The following SLC16A2 variants were observed in gnomAD, a reference collection of about 807,000 sequenced individuals.
SLC16A2 encodes the protein solute carrier family 16 member 2.
Under a neutral mutation model 27.2 loss-of-function variants are expected in SLC16A2, and 3 were observed. The observed-to-expected ratio is 0.11, with a 90% CI of 0.05 to 0.28. The LOEUF (loss-of-function observed/expected upper bound fraction) is 0.28. Ranked by LOEUF, SLC16A2 falls within the 10% of genes least tolerant of loss-of-function variation. The pLI is 1.00. For missense variants in SLC16A2, 295 were observed against 458.5 expected, an observed-to-expected ratio of 0.64 and a Z score of 3.26; for synonymous variants, 202 against 187.8, an observed-to-expected ratio of 1.08 and a Z score of -0.62.
intron 1 of SLC16A2, among the ~76,000 whole-genome samples, chrX:74,487,893 T>A (rs187440055): frequency 8.9e-6 from 1 of 112,125 alleles, no homozygotes; most frequent in Non-Finnish European, 1.9e-5. Context: ...CACAATTTTT[T>A]AAGAAAAATC....
chrX:74,488,374 C>T (rs1019458503), intron 1 of SLC16A2, among the ~76,000 whole-genome samples: 8 of 111,297 alleles, frequency 7.2e-5, no homozygotes, highest in Admixed American at 5.8e-4. Flanking sequence ...TATCCAAGGC[C>T]TTTTTAAAAG....
chrX:74,452,141 G>A (rs1165275119), intron 1 of SLC16A2, among the ~76,000 whole-genome samples: 2 of 112,512 alleles, frequency 1.8e-5, no homozygotes, highest in African/African-American at 6.5e-5. Context: ...GACTGGACAT[G>A]CATGGAGGCT....
In SLC16A2 at chrX:74,531,363, A is replaced by G. The variant is rs754443385; in HGVS notation, c.1430A>G (p.His477Arg). 2.1e-5 allele frequency: 26 copies of G among 1,211,831 alleles called. No individual in the cohort carries two copies. In the South Asian group the frequency reaches 4.6e-4, roughly 21 times the overall value. ...CTCCGCAACTGTTTTGGGGACTACC[A>G]TGTGGCCTTCTACTTTGCCGGTGTG... ...GLLRNCFGDY[H>R]VAFYFAGVPP... is the part of the protein sequence containing the mutation. The change falls in exon 6 of 6, where the codon CAT (histidine) becomes CGT (arginine). Residue 477 changes from histidine (H) to arginine (R), a missense_variant. Coordinates refer to ENST00000587091, the MANE Select transcript of SLC16A2 (RefSeq NM_006517.5).
intron 1 of SLC16A2, among the ~76,000 whole-genome samples, chrX:74,488,888 A>G (rs1929772484): frequency 1.8e-5 from 2 of 111,884 alleles, no homozygotes; most frequent in Non-Finnish European, 3.8e-5. Context: ...CCTTAAATAA[A>G]CTTAGAATTA....
At chrX:74,451,873 T>C (rs573420048) in intron 1 of SLC16A2, among the ~76,000 whole-genome samples, 1 of 112,503 alleles carries the variant, frequency 8.9e-6, no homozygotes, top group Middle Eastern at 4.7e-3. Context: ...GTGTTATAAA[T>C]AGGAGGGAAT....
intron 1 of SLC16A2, among the ~76,000 whole-genome samples, chrX:74,476,412 G>C (rs1315707136): frequency 8.9e-6 from 1 of 112,070 alleles, no homozygotes; most frequent in Non-Finnish European, 1.9e-5. Flanking sequence ...ACACAATCAT[G>C]TCATCTGCAA....
chrX:74,453,584 T>C (rs1005405365), intron 1 of SLC16A2, among the ~76,000 whole-genome samples: 1 of 111,412 alleles, frequency 9.0e-6, no homozygotes. Flanking sequence ...TATTTATTTA[T>C]TTATTTAGAA....
intron 1 of SLC16A2, among the ~76,000 whole-genome samples, chrX:74,462,036 T>G (rs1169356767): frequency 9.0e-6 from 1 of 111,651 alleles, no homozygotes; most frequent in Non-Finnish European, 1.9e-5. Flanking sequence ...TAGCTGCCCC[T>G]TCCCGTGAAC....
chrX:74,496,294 A>ACC (rs1569295288), intron 1 of SLC16A2, among the ~76,000 whole-genome samples: 2 of 109,454 alleles, frequency 1.8e-5, no homozygotes, highest in African/African-American at 6.6e-5. Context: ...ACACACACAC[A>ACC]CCCCACAGGA....
chrX:74,469,146 C>T (rs982895891), intron 1 of SLC16A2, among the ~76,000 whole-genome samples: 3 of 112,077 alleles, frequency 2.7e-5, no homozygotes, highest in Non-Finnish European at 5.6e-5. Context: ...TTGCAAGTGA[C>T]AGGATTTCAT....
At chrX:74,493,849 C>A (rs998861305) in intron 1 of SLC16A2, among the ~76,000 whole-genome samples, 1 of 111,539 alleles carries the variant, frequency 9.0e-6, no homozygotes, top group Non-Finnish European at 1.9e-5. Context: ...GAGTAAACCA[C>A]GGAAAGTGGG....
intron 1 of SLC16A2, among the ~76,000 whole-genome samples, chrX:74,463,955 C>T (rs188210492): frequency 7.1e-5 from 8 of 112,490 alleles, no homozygotes; most frequent in Admixed American, 3.8e-4. Flanking sequence ...CCACCACCAT[C>T]GTCTGGCAAC....
intron 1 of SLC16A2, among the ~76,000 whole-genome samples, chrX:74,480,289 G>A (rs184118657): frequency 3.7e-4 from 42 of 112,615 alleles, no homozygotes; most frequent in African/African-American, 1.3e-3. Context: ...AGCCATGCAC[G>A]GGATATAATC....
chrX:74,516,036 T>C (rs1930312597), intron 1 of SLC16A2, among the ~76,000 whole-genome samples: 1 of 112,088 alleles, frequency 8.9e-6, no homozygotes, highest in Non-Finnish European at 1.9e-5. Flanking sequence ...TTGATTTAGA[T>C]TTCTTCTCCT....
At chrX:74,427,811 GCACA>G (rs35510872) in intron 1 of SLC16A2, among the ~76,000 whole-genome samples, 24,201 of 101,353 alleles carry the variant, frequency 0.24, 2,864 homozygotes, top group East Asian at 0.9. Flanking sequence ...GCACGCGCGC[GCACA>G]CACACACACA....
At chrX:74,442,228 C>CAA (rs1278847714) in intron 1 of SLC16A2, among the ~76,000 whole-genome samples, 34 of 38,211 alleles carry the variant, frequency 8.9e-4, no homozygotes, top group East Asian at 3.0e-3. Flanking sequence ...AACTCCGTCT[C>CAA]AAAAAAAAAA....
intron 1 of SLC16A2, among the ~76,000 whole-genome samples, chrX:74,442,346 A>G (rs1004029772): frequency 9.0e-6 from 1 of 111,036 alleles, no homozygotes; most frequent in African/African-American, 3.3e-5. Flanking sequence ...AGGGTAGCCC[A>G]TTGCTAATGA....
At chrX:74,485,010 A>G (rs1236370193) in intron 1 of SLC16A2, among the ~76,000 whole-genome samples, 1 of 111,441 alleles carries the variant, frequency 9.0e-6, no homozygotes, top group Admixed American at 9.5e-5. Flanking sequence ...TGAGGTCGGG[A>G]GTTCGAGACC....
chrX:74,467,890 A>G (rs926072061), intron 1 of SLC16A2, among the ~76,000 whole-genome samples: 1 of 110,940 alleles, frequency 9.0e-6, no homozygotes, highest in African/African-American at 3.3e-5. Context: ...TCCCAGGATC[A>G]TCTTTTCCCA....
Sources: allele counts gnomAD v4.1 joint callset (sites outside exome capture counted in the v4.1 genomes callset), GRCh38; gene constraint gnomAD v4.1.1; transcripts MANE v1.5; gene names NCBI Gene and HGNC (gene_info 2026-07-23, HGNC 2026-07-21).